CCSER1: variants seen among roughly 807,000 people sequenced by gnomAD.
CCSER1 encodes coiled-coil serine rich protein 1.
Under a neutral mutation model 82.0 loss-of-function variants are expected in CCSER1, and 41 were observed. The observed-to-expected ratio is 0.50, with a 90% CI of 0.39 to 0.65. The LOEUF is 0.65. Ranked by LOEUF, CCSER1 falls within the 30% of genes least tolerant of loss-of-function variation. The probability of loss-of-function intolerance (pLI) is 0.00; values close to 1 mark genes in which losing one functional copy is unlikely to be tolerated. For synonymous variants in CCSER1, 414 were observed against 383.9 expected (o/e 1.08, Z -0.92); for missense variants, 1,119 against 1,064.2 (o/e 1.05, Z -0.72).
chr4:90,705,742 C>T (rs183944688), intron 6 of CCSER1, among the ~76,000 whole-genome samples: 67 of 152,304 alleles, frequency 4.4e-4, no homozygotes, highest in Middle Eastern at 3.4e-3. Flanking sequence ...TAGCAATGAG[C>T]GAGGCTCCAT....
intron 9 of CCSER1, among the ~76,000 whole-genome samples, chr4:90,989,270 A>G (rs1173096730): frequency 6.6e-6 from 1 of 151,796 alleles, no homozygotes; most frequent in Non-Finnish European, 1.5e-5. Flanking sequence ...TACAGCAAAA[A>G]TAAACCTAAG....
intron 1 of CCSER1, 44 bp from the exon 2 acceptor site, chr4:90,308,200 G>C: frequency 7.5e-7 from 1 of 1,338,278 alleles, no homozygotes; most frequent in Non-Finnish European, 9.9e-7. Context: ...ATTATTTGTA[G>C]TTGAATTCTA....
chr4:91,202,898 ATTTCTT>A (rs1173258039), intron 10 of CCSER1, among the ~76,000 whole-genome samples: 1 of 132,234 alleles, frequency 7.6e-6, no homozygotes, highest in East Asian at 2.1e-4. Flanking sequence ...AGGATTTATG[ATTTCTT>A]TTTCATCTTA....
At chr4:90,403,583 C>G (rs1561173598) in intron 4 of CCSER1, among the ~76,000 whole-genome samples, 2 of 150,228 alleles carry the variant, frequency 1.3e-5, no homozygotes, top group African/African-American at 4.9e-5. Flanking sequence ...AAAATCACAG[C>G]ATTAAACATT....
intron 1 of CCSER1, among the ~76,000 whole-genome samples, chr4:90,177,501 G>T (rs1385871562): frequency 6.6e-6 from 1 of 152,054 alleles, no homozygotes; most frequent in Non-Finnish European, 1.5e-5. Context: ...TATTGATGGC[G>T]TACACTTAGA....
intron 10 of CCSER1, among the ~76,000 whole-genome samples, chr4:91,486,385 T>C (rs1758221089): frequency 6.6e-6 from 1 of 152,172 alleles, no homozygotes. Context: ...TTAGAGACAC[T>C]TTTTTGAAAT....
chr4:91,466,040 G>C (rs745798940), intron 10 of CCSER1, among the ~76,000 whole-genome samples: 3 of 152,124 alleles, frequency 2.0e-5, no homozygotes, highest in Non-Finnish European at 4.4e-5. Flanking sequence ...GCCTGGCAGA[G>C]CCACAGCAAA....
intron 10 of CCSER1, among the ~76,000 whole-genome samples, chr4:91,154,553 C>A (rs1275430305): frequency 1.1e-4 from 17 of 152,000 alleles, no homozygotes; most frequent in Non-Finnish European, 2.4e-4. Flanking sequence ...CCAACAAGCT[C>A]CAGTGAGATG....
intron 3 of CCSER1, among the ~76,000 whole-genome samples, chr4:90,365,062 T>C (rs1746032375): frequency 2.0e-5 from 3 of 151,884 alleles, no homozygotes; most frequent in South Asian, 4.1e-4. Context: ...AGATTTTTAA[T>C]TGATATTGCA....
chr4:91,546,063 C>T (rs1761873958), intron 10 of CCSER1, among the ~76,000 whole-genome samples: 1 of 151,286 alleles, frequency 6.6e-6, no homozygotes, highest in Non-Finnish European at 1.5e-5. Flanking sequence ...ATTCTTTTGC[C>T]TGCTGGTATG....
chr4:91,209,924 C>T (rs1220096123), intron 10 of CCSER1, among the ~76,000 whole-genome samples: 1 of 151,700 alleles, frequency 6.6e-6, no homozygotes, highest in East Asian at 1.9e-4. Context: ...AAACAGCGTG[C>T]CTCAGTGCAA....
intron 10 of CCSER1, among the ~76,000 whole-genome samples, chr4:91,474,958 T>C (rs898534571): frequency 6.6e-6 from 1 of 151,848 alleles, no homozygotes; most frequent in Non-Finnish European, 1.5e-5. Context: ...TTATAAATTT[T>C]GTATAACATG....
chr4:90,787,825 G>T (rs569460707), intron 7 of CCSER1, among the ~76,000 whole-genome samples: 1 of 152,270 alleles, frequency 6.6e-6, no homozygotes, highest in African/African-American at 2.4e-5. Context: ...TAGATATTTT[G>T]ACTAGAAAGT....
chr4:90,261,957 C>A (rs529166316), intron 1 of CCSER1, among the ~76,000 whole-genome samples: 2 of 152,032 alleles, frequency 1.3e-5, no homozygotes, highest in South Asian at 4.1e-4. Flanking sequence ...ATTGGTTTTT[C>A]TTTAAGATAT....
chr4:90,155,324 A>T (rs1727873496), intron 1 of CCSER1, among the ~76,000 whole-genome samples: 1 of 152,188 alleles, frequency 6.6e-6, no homozygotes, highest in South Asian at 2.1e-4. Flanking sequence ...CATCAAGGAT[A>T]TTGGTCTAAA....
At chr4:91,242,023 A>G (rs968922372) in intron 10 of CCSER1, among the ~76,000 whole-genome samples, 1 of 152,200 alleles carries the variant, frequency 6.6e-6, no homozygotes, top group African/African-American at 2.4e-5. Context: ...TTGGTAAATG[A>G]CAAAAGAAAA....
At chr4:91,019,469 TTTTA>T in intron 9 of CCSER1, among the ~76,000 whole-genome samples, 1 of 152,150 alleles carries the variant, frequency 6.6e-6, no homozygotes, top group East Asian at 1.9e-4. Flanking sequence ...AAATTTGGAA[TTTTA>T]TTTGATATTG....
intron 10 of CCSER1, among the ~76,000 whole-genome samples, chr4:91,326,640 G>C (rs1452378185): frequency 6.6e-6 from 1 of 152,016 alleles, no homozygotes; most frequent in African/African-American, 2.4e-5. Flanking sequence ...GTTCCCCAGA[G>C]TCCTAACTCA....
chr4:90,813,196 T>A (rs1191361937), intron 7 of CCSER1, among the ~76,000 whole-genome samples: 4 of 152,186 alleles, frequency 2.6e-5, no homozygotes, highest in Non-Finnish European at 5.9e-5. Context: ...GTACAGGCAA[T>A]GGGTAAATGT....
Sources: allele counts gnomAD v4.1 joint callset (sites outside exome capture counted in the v4.1 genomes callset), GRCh38; gene constraint gnomAD v4.1.1; transcripts MANE v1.5; gene names NCBI Gene and HGNC (gene_info 2026-07-23, HGNC 2026-07-21).